Variants in FANCC observed in about 807,000 individuals in gnomAD.
FANCC encodes the protein FA complementation group C.
In FANCC, 55 loss-of-function variants were observed where a neutral mutation model predicts 71.3. The ratio of observed to expected loss-of-function variants is 0.77; its 90% CI spans 0.62 to 0.97. FANCC has a LOEUF of 0.97. FANCC is among the 50% of genes least tolerant of loss of function. The pLI is 0.00. For missense variants in FANCC, 678 were observed against 670.9 expected (o/e 1.01, Z -0.12); for synonymous variants, 275 against 244.9 (o/e 1.12, Z -1.15).
At chr9:95,226,159 T>C (rs1402664916) in intron 4 of FANCC, among the ~76,000 whole-genome samples, 1 of 152,232 alleles carries the variant, frequency 6.6e-6, no homozygotes, top group Non-Finnish European at 1.5e-5. Flanking sequence ...TTTTGTGGAT[T>C]TACTAAATGT....
chr9:95,130,595 A>G (rs529208479), intron 8 of FANCC, among the ~76,000 whole-genome samples: 1 of 152,316 alleles, frequency 6.6e-6, no homozygotes, highest in Admixed American at 6.5e-5. Flanking sequence ...CATGTAGCTT[A>G]AATATTTACT....
Position 95,317,542 on chromosome 9 carries a change from G to A in FANCC, c.-95C>T, listed in dbSNP as rs1327054373. 1 of 152,330 alleles carries A rather than the reference G, an allele frequency of 6.6e-6. No homozygotes were observed. Among genetic ancestry groups the A allele is most frequent in the Non-Finnish European group, 1.5e-5 (1 of 68,116 alleles). 9.4% of individuals were successfully genotyped at this position (152,330 alleles called of 1,614,324 possible). Reference sequence around the variant, plus strand: ...GCCGCTTACCGGGTGGTCCTCGCGGGAGCTGCTTCAGCAGTTTGGGCAGTG... The same window carrying A: ...GCCGCTTACCGGGTGGTCCTCGCGGAAGCTGCTTCAGCAGTTTGGGCAGTG... On this transcript the variant is annotated 5_prime_UTR_variant, in exon 1 of 15. Transcript: ENST00000289081.
At chr9:95,130,984 T>C (rs1016999426) in intron 8 of FANCC, among the ~76,000 whole-genome samples, 1 of 152,208 alleles carries the variant, frequency 6.6e-6, no homozygotes, top group African/African-American at 2.4e-5. Flanking sequence ...AAATATCCCT[T>C]TTACATTTTC....
rs374437528 is a variant in FANCC, at chr9:95,099,673, G to A, written c.*2034C>T. On this transcript the variant is annotated 3_prime_UTR_variant, in exon 15 of 15. Transcript: ENST00000289081. ...AAGCCAGCAGGCACTTCAGTGCCACGTCCCCAGAGGGACAGTCCTCCCACC... is the reference window on the plus strand; with the variant it reads ...AAGCCAGCAGGCACTTCAGTGCCACATCCCCAGAGGGACAGTCCTCCCACC... 5 of 231,788 alleles carry A rather than the reference G, an allele frequency of 2.2e-5. No individual in the cohort carries two copies. Among genetic ancestry groups the A allele is most frequent in the Admixed American group, 5.7e-5 (1 of 17,698 alleles). 14.4% of individuals were successfully genotyped at this position (231,788 alleles called of 1,614,324 possible).
chr9:95,107,231 C>A lies in FANCC; in HGVS notation c.1368G>T (p.Met456Ile), dbSNP rs863224609. ...VKAVLGHLLA[M>I]SRSSSLSAQD... ...GGGCTGAGAGGCTGCTGCTTCTGGA[C>A]ATTGCCAGGAGGTGGCCCAGCACGG... The change falls in exon 14 of 15, where the codon ATG becomes ATT. Residue 456 changes from methionine (M) to isoleucine (I), a missense_variant. By Grantham distance (10) the Met-to-Ile change is conservative (BLOSUM62 1). Transcript: ENST00000289081. 11 of 1,614,156 alleles carry A rather than the reference C, an allele frequency of 6.8e-6. No homozygotes were observed. Among genetic ancestry groups the A allele is most frequent in the Non-Finnish European group, 8.5e-6 (10 of 1,180,020 alleles).
chr9:95,219,718 A>C (rs1829112175), intron 4 of FANCC, among the ~76,000 whole-genome samples: 1 of 152,224 alleles, frequency 6.6e-6, no homozygotes, highest in African/African-American at 2.4e-5. Flanking sequence ...AATTAATTCA[A>C]GATGTATTAA....
intron 4 of FANCC, among the ~76,000 whole-genome samples, chr9:95,217,734 T>C (rs1480873482): frequency 6.6e-6 from 1 of 151,942 alleles, no homozygotes; most frequent in Non-Finnish European, 1.5e-5. Flanking sequence ...AAATTAAATA[T>C]AAAGTAAGTA....
chr9:95,234,082 T>C (rs532280839), intron 4 of FANCC, among the ~76,000 whole-genome samples: 5 of 152,320 alleles, frequency 3.3e-5, no homozygotes, highest in Admixed American at 1.3e-4. Context: ...AAAAGATCCC[T>C]GCAAAGAAGT....
At chr9:95,267,140 T>A (rs1832428632) in intron 1 of FANCC, among the ~76,000 whole-genome samples, 1 of 151,642 alleles carries the variant, frequency 6.6e-6, no homozygotes, top group Admixed American at 6.6e-5. Context: ...AAACTGTAGG[T>A]TTGGGTCTTA....
chr9:95,141,311 CAAAAAAAA>C (rs66627467), intron 7 of FANCC, among the ~76,000 whole-genome samples: 1 of 54,862 alleles, frequency 1.8e-5, no homozygotes, highest in African/African-American at 7.5e-5. Context: ...GACCCTGTCT[CAAAAAAAA>C]AAAAAAAAAA....
intron 4 of FANCC, among the ~76,000 whole-genome samples, chr9:95,208,807 A>C (rs1016156482): frequency 2.6e-5 from 4 of 152,232 alleles, no homozygotes; most frequent in African/African-American, 7.2e-5. Flanking sequence ...AAAATGGTGC[A>C]GCCACTTTGG....
intron 7 of FANCC, among the ~76,000 whole-genome samples, chr9:95,139,398 C>T (rs942955295): frequency 3.3e-5 from 5 of 152,094 alleles, no homozygotes; most frequent in African/African-American, 1.2e-4. Flanking sequence ...CACACAGCCC[C>T]GTGTTAATCA....
intron 2 of FANCC, among the ~76,000 whole-genome samples, 168 bp downstream of exon 2, chr9:95,248,956 TATA>T (rs1243677971): frequency 6.6e-6 from 1 of 152,132 alleles, no homozygotes; most frequent in Non-Finnish European, 1.5e-5. Flanking sequence ...ATTATAATAA[TATA>T]ATAAATCGGA....
chr9:95,106,868 T>C (rs2071490749), intron 14 of FANCC, among the ~76,000 whole-genome samples, 198 bp downstream of exon 14: 1 of 152,146 alleles, frequency 6.6e-6, no homozygotes, highest in South Asian at 2.1e-4. Flanking sequence ...AGCCTCTGTT[T>C]TCTCTTCTAT....
In FANCC at chr9:95,224,624, C is replaced by A. The variant is rs555853528; in HGVS notation, c.345+16025G>T. Among the ~76,000 whole-genome samples the A allele has an allele frequency of 3.9e-5, 6 of 152,272 alleles. No individual in the cohort carries two copies. The East Asian group carries it at 1.2e-3, about 29-fold the overall frequency. On this transcript the variant is annotated intron_variant, in intron 4 of 14. Coordinates refer to ENST00000289081, the MANE Select transcript of FANCC (RefSeq NM_000136.3). Reference sequence around the variant, plus strand: ...CATCCATTAAACAACTCCCCTATCACCCCCGCTCCCCAGCTTGTTCTACTT... The same window carrying A: ...CATCCATTAAACAACTCCCCTATCAACCCCGCTCCCCAGCTTGTTCTACTT...
intron 3 of FANCC, among the ~76,000 whole-genome samples, chr9:95,244,896 T>C (rs940479523): frequency 5.3e-5 from 8 of 151,894 alleles, no homozygotes; most frequent in Admixed American, 2.6e-4. Flanking sequence ...TGTTGTATTC[T>C]AGGGAAAGCG....
At position 95,249,204 on chromosome 9, in the gene FANCC, T is replaced by A. The variant is rs778115754; in HGVS notation, c.88A>T (p.Thr30Ser). Residue 30 changes from threonine to serine, a missense_variant, in exon 2 of 15, where the codon ACC becomes TCC. Physicochemically the swap from Thr to Ser is moderately conservative, Grantham distance 58. Transcript: ENST00000289081. ...ACGTGAAGACAGGTGTCTTGCTGGG[T>A]TTCCAAAGTGGAAGCCTGATCCCAT... ...SVWDQASTLETQQDTCLHVAQ... is the reference protein window; with the variant it reads ...SVWDQASTLESQQDTCLHVAQ... 1 of 1,614,092 alleles carries A rather than the reference T, an allele frequency of 6.2e-7. No individual in the cohort carries two copies. The highest frequency in any genetic ancestry group is 1.1e-5 in the South Asian group (1 of 91,072).
intron 7 of FANCC, among the ~76,000 whole-genome samples, chr9:95,142,194 C>T (rs751559462): frequency 3.3e-5 from 5 of 151,822 alleles, no homozygotes; most frequent in African/African-American, 1.2e-4. Flanking sequence ...GATTTTACCA[C>T]GTTGGCCAGG....
At chr9:95,281,977 G>GAAGA (rs891067334) in intron 1 of FANCC, among the ~76,000 whole-genome samples, 8 of 150,564 alleles carry the variant, frequency 5.3e-5, no homozygotes, top group African/African-American at 2.0e-4. Flanking sequence ...AACCTCAAAG[G>GAAGA]AAGAAAGAAA....
Sources: allele counts gnomAD v4.1 joint callset (sites outside exome capture counted in the v4.1 genomes callset), GRCh38; gene constraint gnomAD v4.1.1; transcripts MANE v1.5; gene names NCBI Gene and HGNC (gene_info 2026-07-23, HGNC 2026-07-21).